The following PIGO variants were observed in gnomAD, a reference collection of about 807,000 sequenced individuals.
The protein encoded by PIGO is phosphatidylinositol glycan anchor biosynthesis class O.
A neutral mutation model predicts 86.9 loss-of-function variants in PIGO; 66 were observed. The ratio of observed to expected loss-of-function variants is 0.76; its 90% CI spans 0.62 to 0.93. The LOEUF is 0.93. Among genes scored for constraint, PIGO ranks in the 40% least tolerant of loss-of-function variants. The pLI, the probability that PIGO is intolerant of heterozygous loss-of-function variation, is 0.00. For missense variants in PIGO, 1,202 were observed against 1,359.1 expected (o/e 0.88, Z 1.82); for synonymous variants, 570 against 556.4 (o/e 1.02, Z -0.34).
intron 7 of PIGO, 47 bp from the exon 8 acceptor site, chr9:35,090,719 T>C: frequency 1.3e-6 from 2 of 1,569,608 alleles, no homozygotes; most frequent in South Asian, 1.1e-5. Context: ...TATTCCCTAA[T>C]CCATAGGCTA....
At position 35,095,117 on chromosome 9, in the gene PIGO, C is replaced by T; in HGVS notation, c.449G>A (p.Gly150Asp). 2.5e-6 allele frequency: 4 copies of T among 1,613,710 alleles called. 1 individual carries two copies. In the South Asian group the frequency reaches 4.4e-5, roughly 18 times the overall value. ...TATGGCGTGGCTGGCGAAGTTACTACCAGCATCAATAAAGGTAGGCAGTGA... is the reference window on the plus strand; with the variant it reads ...TATGGCGTGGCTGGCGAAGTTACTATCAGCATCAATAAAGGTAGGCAGTGA... ...TGSLPTFIDA[G>D]SNFASHAIVE... The change falls in exon 2 of 11, where the codon GGT becomes GAT. Residue 150 changes from glycine to aspartate, a missense_variant. Gly to Asp is a moderately conservative substitution (Grantham distance 94). Coordinates refer to ENST00000378617, the MANE Select transcript of PIGO (RefSeq NM_032634.4).
At chr9:35,092,844 C>T in intron 6 of PIGO, 77 bp from the exon 7 acceptor site, 1 of 1,427,178 alleles carries the variant, frequency 7.0e-7, no homozygotes, top group Non-Finnish European at 9.5e-7. Flanking sequence ...ATAGGTATTA[C>T]AAAAGGGGGT....
At chr9:35,093,672 A>G in intron 4 of PIGO, 92 bp from the exon 5 acceptor site, 2 of 1,453,926 alleles carry the variant, frequency 1.4e-6, no homozygotes, top group Non-Finnish European at 1.8e-6. Flanking sequence ...ATTCATCCCC[A>G]GCTATAACTC....
chr9:35,089,622 C>A, intron 9 of PIGO, 172 bp from the exon 10 acceptor site: 1 of 1,451,864 alleles, frequency 6.9e-7, no homozygotes. Context: ...TCCTGCCCTG[C>A]CCCAAGCACT....
chr9:35,093,642 A>G (rs1563999916), intron 4 of PIGO, 62 bp from the exon 5 acceptor site: 8 of 1,509,510 alleles, frequency 5.3e-6, no homozygotes, highest in Non-Finnish European at 7.1e-6. Flanking sequence ...AAAAGAAAAA[A>G]GATTTTTCTC....
intron 4 of PIGO, 61 bp from the exon 5 acceptor site, chr9:35,093,641 A>C: frequency 6.6e-7 from 1 of 1,513,446 alleles, no homozygotes; most frequent in South Asian, 1.3e-5. Flanking sequence ...AAAAAGAAAA[A>C]AGATTTTTCT....
Position 35,092,542 on chromosome 9 carries a change from C to T in PIGO, c.1345G>A (p.Val449Ile). The T allele has an allele frequency of 6.2e-7, 1 of 1,614,206 alleles. No individual in the cohort carries two copies. Among genetic ancestry groups the T allele is most frequent in the South Asian group, 1.1e-5 (1 of 91,090 alleles). ...CIESWARFSL[V>I]RMAGGTALLA... ...AGAGCAGTACCCCCCGCCATGCGGA[C>T]CAGAGAGAAACGAGCCCAAGACTCG... Residue 449 changes from valine (V) to isoleucine (I), a missense_variant, in exon 7 of 11, where the codon GTC (valine) becomes ATC (isoleucine). Physicochemically the swap from Val to Ile is conservative, Grantham distance 29. Transcript: ENST00000378617.
Position 35,091,774 on chromosome 9 carries a change from G to A in PIGO, c.2113C>T (p.Arg705Cys), listed in dbSNP as rs551682667. ...AATGCCATTAGGGGCAGTCCCCAGC[G>A]CACAAAGAGCATGGGTGGCTCGGGG... ...KSPEPPMLFV[R>C]WGLPLMALGT... The change falls in exon 7 of 11, where the codon CGC becomes TGC. Residue 705 changes from arginine (R) to cysteine (C), a missense_variant. Transcript: ENST00000378617. The A allele has an allele frequency of 9.9e-6, 16 of 1,612,290 alleles. No homozygotes were observed. The highest frequency in any genetic ancestry group is 3.3e-5 in the Admixed American group (2 of 60,032).
At chr9:35,094,507 G>T in intron 2 of PIGO, 148 bp from the exon 3 acceptor site, 1 of 901,392 alleles carries the variant, frequency 1.1e-6, no homozygotes, top group Non-Finnish European at 1.6e-6. Context: ...TATCCTTCAG[G>T]GCCTAACATT....
At position 35,089,178 on chromosome 9, in the gene PIGO, G is replaced by C; in HGVS notation, c.3184C>G (p.Leu1062Val). The change falls in exon 11 of 11, where the codon CTT (leucine) becomes GTT (valine). Residue 1062 changes from leucine (L) to valine (V), a missense_variant. Physicochemically the swap from Leu to Val is conservative, Grantham distance 32 (BLOSUM62 1). Coordinates refer to ENST00000378617, the MANE Select transcript of PIGO (RefSeq NM_032634.4). ...ATCACCAAAGCTATGCCCAGGAGAAGTCCCACGCTGCTCACAATGAAGCCC... is the reference window on the plus strand; with the variant it reads ...ATCACCAAAGCTATGCCCAGGAGAACTCCCACGCTGCTCACAATGAAGCCC... ...AVGFIVSSVG[L>V]LLGIALVMRV... is the part of the protein sequence containing the mutation. The C allele has an allele frequency of 1.2e-6, 2 of 1,614,184 alleles. No homozygotes were observed. Among genetic ancestry groups the C allele is most frequent in the Non-Finnish European group, 1.7e-6 (2 of 1,180,048 alleles).
chr9:35,093,680 C>G, intron 4 of PIGO, 100 bp from the exon 5 acceptor site: 3 of 1,444,856 alleles, frequency 2.1e-6, no homozygotes, highest in Non-Finnish European at 2.8e-6. Flanking sequence ...CCAGCTATAA[C>G]TCCATTAGTA....
Position 35,088,861 on chromosome 9 carries a change from G to A in PIGO, c.*231C>T, listed in dbSNP as rs1337547240. The A allele has an allele frequency of 3.3e-5, 17 of 514,028 alleles. No homozygotes were observed. In the Admixed American group the frequency reaches 3.5e-4, roughly 11 times the overall value. The allele number at this position is 514,028 out of a possible 1,614,324, so 31.8% of individuals were successfully genotyped here. Reference sequence around the variant, plus strand: ...CGCCCGGCCTATTTTATTCCACTTCGGAGACCGCCCCCCTTGTCCCTCAGA... The same window carrying A: ...CGCCCGGCCTATTTTATTCCACTTCAGAGACCGCCCCCCTTGTCCCTCAGA... On this transcript the variant is annotated 3_prime_UTR_variant, in exon 11 of 11. Coordinates refer to ENST00000378617, the MANE Select transcript of PIGO (RefSeq NM_032634.4).
intron 7 of PIGO, 146 bp downstream of exon 7, chr9:35,091,094 G>A (rs1829394947): frequency 5.5e-6 from 5 of 903,380 alleles, no homozygotes; most frequent in Non-Finnish European, 8.2e-6. Flanking sequence ...GTAAGAGAGA[G>A]GACACCAAGA....
Position 35,093,470 on chromosome 9 carries a change from G to C in PIGO, c.890C>G (p.Ala297Gly), listed in dbSNP as rs760357843. ...TGCTGTGGGGCTATACAGAAAGAGA[G>C]CAGCTGAGACCTCCAGCTCACTGTC... ...GGDSELEVSA[A>G]LFLYSPTAVF... Residue 297 changes from alanine (A) to glycine (G), a missense_variant, in exon 5 of 11, where the codon GCT becomes GGT. Transcript: ENST00000378617. The C allele has an allele frequency of 6.8e-6, 11 of 1,614,048 alleles. No individual in the cohort carries two copies. Among genetic ancestry groups the C allele is most frequent in the Non-Finnish European group, 9.3e-6 (11 of 1,180,030 alleles).
chr9:35,092,276 C>A lies in PIGO; in HGVS notation c.1611G>T (p.Arg537Ser). The A allele has an allele frequency of 6.2e-7, 1 of 1,614,194 alleles. No individual in the cohort carries two copies. Among genetic ancestry groups the A allele is most frequent in the Non-Finnish European group, 8.5e-7 (1 of 1,180,030 alleles). ...GGATGGGAAACAGGGTTGCCAGGGG[C>A]CTCTTGGACCCCCAGCCAGCCCAGG... is the stretch of plus-strand genomic sequence containing the variant. ...WKAWAGWGSK[R>S]PLATLFPIPG... The change falls in exon 7 of 11, where the codon AGG becomes AGT. Residue 537 changes from arginine (R) to serine (S), a missense_variant. Coordinates refer to ENST00000378617, the MANE Select transcript of PIGO (RefSeq NM_032634.4).
In PIGO at chr9:35,092,472, G is replaced by A. The variant is rs771303770; in HGVS notation, c.1415C>T (p.Ala472Val). Residue 472 changes from alanine (A) to valine (V), a missense_variant, in exon 7 of 11, where the codon GCA becomes GTA. By Grantham distance (64) the Ala-to-Val change is moderately conservative (BLOSUM62 0). Transcript: ENST00000378617. The stretch of plus-strand genomic sequence containing the variant: ...GCAGAATGGAAAGCCTGGGGATATT[G>A]CCCACTGAGATGCCAGCAGGCAGAT... ...CFICLLASQW[A>V]ISPGFPFCPL... 1 of 1,614,224 alleles carries A rather than the reference G, an allele frequency of 6.2e-7. No homozygotes were observed. The highest frequency in any genetic ancestry group is 8.5e-7 in the Non-Finnish European group (1 of 1,180,004).
chr9:35,095,437 C>T lies in PIGO; in HGVS notation c.129G>A (p.Glu43=). 6.2e-7 allele frequency: 1 copy of T among 1,614,032 alleles called. No individual in the cohort carries two copies. The highest frequency in any genetic ancestry group is 8.5e-7 in the Non-Finnish European group (1 of 1,179,986). ...LELTNHSSCQ[E]PPGPGSLPWG... is the part of the protein sequence containing the mutation. Reference sequence around the variant, plus strand: ...ATGGCAGGGACCCAGGGCCTGGGGGCTCTTGGCAGCTGCTATGGTTGGTGA... The same window carrying T: ...ATGGCAGGGACCCAGGGCCTGGGGGTTCTTGGCAGCTGCTATGGTTGGTGA... The change falls in exon 2 of 11, where the codon GAG becomes GAA. Residue 43 remains glutamate (E), a synonymous_variant. Transcript: ENST00000378617.
chr9:35,095,146 A>AGTG lies in PIGO; in HGVS notation c.417_419dup (p.Thr140dup). ...CATCAATAAAGGTAGGCAGTGAGCC[A>AGTG]GTGGTGAGGGCCTTGAGGCGCTGCA... On this transcript the variant is annotated inframe_insertion, in exon 2 of 11. Coordinates refer to ENST00000378617, the MANE Select transcript of PIGO (RefSeq NM_032634.4). 6.2e-7 allele frequency: 1 copy of AGTG among 1,614,204 alleles called. No homozygotes were observed.
intron 4 of PIGO, 100 bp downstream of exon 4, chr9:35,093,801 A>G: frequency 6.5e-7 from 1 of 1,546,748 alleles, no homozygotes; most frequent in East Asian, 2.3e-5. Flanking sequence ...CAGAAGGCCT[A>G]GAGAAGACAG....
Sources: allele counts gnomAD v4.1 joint callset, GRCh38; gene constraint gnomAD v4.1.1; transcripts MANE v1.5; gene names NCBI Gene and HGNC (gene_info 2026-07-23, HGNC 2026-07-21).